Variants in TBC1D14 observed in about 807,000 individuals in gnomAD.
TBC1D14 encodes the protein TBC1 domain family, member 14.
A neutral mutation model predicts 79.0 loss-of-function variants in TBC1D14; 26 were observed. The observed-to-expected ratio is 0.33, with a 90% CI of 0.24 to 0.46. The LOEUF (loss-of-function observed/expected upper bound fraction) is 0.46. Among genes scored for constraint, TBC1D14 ranks in the 20% least tolerant of loss-of-function variants. TBC1D14 has a pLI of 1.00. For synonymous variants in TBC1D14, 394 were observed against 349.9 expected (o/e 1.13, Z -1.40); for missense variants, 769 against 887.6 (o/e 0.87, Z 1.70).
chr4:6,917,849 C>T (rs1177866882), intron 1 of TBC1D14, among the ~76,000 whole-genome samples: 4 of 152,210 alleles, frequency 2.6e-5, no homozygotes, highest in African/African-American at 9.7e-5. Flanking sequence ...CGGTAGGTGG[C>T]CTGGAGTGCG....
At chr4:7,003,217 G>C (rs1019703449) in intron 7 of TBC1D14, among the ~76,000 whole-genome samples, 1 of 152,216 alleles carries the variant, frequency 6.6e-6, no homozygotes, top group Non-Finnish European at 1.5e-5. Context: ...AGAAAGCCAT[G>C]GGGGAGACTT....
At chr4:6,982,362 G>A (rs1023079747) in intron 3 of TBC1D14, among the ~76,000 whole-genome samples, 9 of 152,202 alleles carry the variant, frequency 5.9e-5, no homozygotes, top group African/African-American at 2.2e-4. Context: ...TTTGCGTGCT[G>A]TGATTTCATT....
intron 2 of TBC1D14, among the ~76,000 whole-genome samples, chr4:6,937,031 C>T (rs1712404602): frequency 6.6e-6 from 1 of 152,206 alleles, no homozygotes; most frequent in Non-Finnish European, 1.5e-5. Flanking sequence ...GATTCTCCTG[C>T]CTCAGCCTCC....
At chr4:6,999,582 C>G (rs1396017905) in intron 6 of TBC1D14, among the ~76,000 whole-genome samples, 1 of 152,114 alleles carries the variant, frequency 6.6e-6, no homozygotes, top group Non-Finnish European at 1.5e-5. Context: ...TGCCTCTCCT[C>G]CACTTGGACA....
intron 2 of TBC1D14, among the ~76,000 whole-genome samples, chr4:6,936,980 C>T (rs1441530134): frequency 2.0e-5 from 3 of 152,180 alleles, no homozygotes; most frequent in Admixed American, 2.0e-4. Context: ...TGCAATGGCA[C>T]GATCTCGGCT....
intron 2 of TBC1D14, among the ~76,000 whole-genome samples, chr4:6,932,376 TAAAA>T (rs34196506): frequency 1.4e-5 from 2 of 143,914 alleles, no homozygotes; most frequent in African/African-American, 2.6e-5. Flanking sequence ...GTCTGGAAAT[TAAAA>T]AAAAAAAAAA....
chr4:6,923,271 T>C, intron 1 of TBC1D14, 102 bp from the exon 2 acceptor site: 6 of 1,341,800 alleles, frequency 4.5e-6, no homozygotes, highest in Non-Finnish European at 6.0e-6. Context: ...TTTTCAAGGC[T>C]TTCTCCCTTA....
rs560148125 is a variant in TBC1D14, at chr4:6,948,786, G to A, written c.723-18518G>A. Among the ~76,000 whole-genome samples the A allele has an allele frequency of 2.7e-5, 4 of 146,484 alleles. No homozygotes were observed. In the South Asian group the frequency reaches 6.6e-4, roughly 24 times the overall value. On this transcript the variant is annotated intron_variant, in intron 2 of 13. Transcript: ENST00000409757. ...GAGATCTCAGCTCACTGCAACCTCC[G>A]CCTCCCAGATTCAAGCGATTCTTCT...
chr4:7,021,838 G>A (rs1406379369), intron 12 of TBC1D14, among the ~76,000 whole-genome samples: 1 of 152,196 alleles, frequency 6.6e-6, no homozygotes, highest in African/African-American at 2.4e-5. Context: ...CCGTCTCTGG[G>A]AAGGCCAAGG....
At chr4:6,920,255 A>G (rs1040795941) in intron 1 of TBC1D14, among the ~76,000 whole-genome samples, 5 of 150,772 alleles carry the variant, frequency 3.3e-5, no homozygotes, top group Non-Finnish European at 7.4e-5. Context: ...AAGGAGGGAG[A>G]TTAGTCCCCT....
chr4:6,971,112 G>A (rs572892023), intron 3 of TBC1D14, among the ~76,000 whole-genome samples: 6 of 152,136 alleles, frequency 3.9e-5, no homozygotes, highest in African/African-American at 1.2e-4. Flanking sequence ...CTGGGGTCAG[G>A]TGTGCACACT....
chr4:7,022,719 T>C (rs1457470517), intron 12 of TBC1D14, among the ~76,000 whole-genome samples: 2 of 152,144 alleles, frequency 1.3e-5, no homozygotes, highest in Non-Finnish European at 2.9e-5. Context: ...GTGGGCATAG[T>C]GAATGGCATT....
At chr4:6,977,537 C>T (rs892443868) in intron 3 of TBC1D14, among the ~76,000 whole-genome samples, 1 of 149,742 alleles carries the variant, frequency 6.7e-6, no homozygotes, top group African/African-American at 2.5e-5. Flanking sequence ...TCTGCCCGGC[C>T]GCCACCCCGT....
intron 5 of TBC1D14, 132 bp downstream of exon 5, chr4:6,996,539 A>C: frequency 1.5e-6 from 1 of 673,806 alleles, no homozygotes; most frequent in Non-Finnish European, 2.5e-6. Context: ...TTCCAGTAAA[A>C]AAAAAAAAAA....
Position 6,923,920 on chromosome 4 carries a change from C to G in TBC1D14, c.531C>G (p.Ile177Met). Residue 177 changes from isoleucine to methionine, a missense_variant, in exon 2 of 14, where the codon ATC becomes ATG. By Grantham distance (10) the Ile-to-Met change is conservative. Coordinates refer to ENST00000409757, the MANE Select transcript of TBC1D14 (RefSeq NM_020773.3). ...CGCTGTCCGTCAGCAATGAGGACATCTTGGACCTTGTGGTCACGAGCAGCT... is the reference window on the plus strand; with the variant it reads ...CGCTGTCCGTCAGCAATGAGGACATGTTGGACCTTGTGGTCACGAGCAGCT... Reference protein sequence around the residue: ...STTLSVSNEDILDLVVTSSSS... With the variant: ...STTLSVSNEDMLDLVVTSSSS... 6.2e-7 allele frequency: 1 copy of G among 1,614,184 alleles called. No individual in the cohort carries two copies. Among genetic ancestry groups the G allele is most frequent in the Non-Finnish European group, 8.5e-7 (1 of 1,180,038 alleles).
At chr4:6,964,316 G>A (rs572974364) in intron 2 of TBC1D14, among the ~76,000 whole-genome samples, 4 of 152,144 alleles carry the variant, frequency 2.6e-5, no homozygotes, top group East Asian at 3.9e-4. Flanking sequence ...CCCACACTCC[G>A]CGGCTTCTGT....
chr4:6,989,194 C>CA (rs1252734047), intron 3 of TBC1D14, among the ~76,000 whole-genome samples: 3 of 152,100 alleles, frequency 2.0e-5, no homozygotes, highest in Non-Finnish European at 4.4e-5. Flanking sequence ...TAGCACTGTG[C>CA]AGATCACACG....
At chr4:6,916,740 A>T (rs1365167119) in intron 1 of TBC1D14, among the ~76,000 whole-genome samples, 4 of 152,184 alleles carry the variant, frequency 2.6e-5, no homozygotes, top group African/African-American at 4.8e-5. Flanking sequence ...TGGAATGGAA[A>T]CAGTCTTCCT....
At chr4:7,012,379 A>G (rs766663927) in intron 11 of TBC1D14, among the ~76,000 whole-genome samples, 2 of 152,184 alleles carry the variant, frequency 1.3e-5, no homozygotes, top group Non-Finnish European at 2.9e-5. Flanking sequence ...TCCTTTTGGA[A>G]GACAACTTGG....
Sources: allele counts gnomAD v4.1 joint callset (sites outside exome capture counted in the v4.1 genomes callset), GRCh38; gene constraint gnomAD v4.1.1; transcripts MANE v1.5; gene names NCBI Gene and HGNC (gene_info 2026-07-23, HGNC 2026-07-21).